AK4: variants seen among roughly 807,000 people sequenced by gnomAD.
AK4 encodes adenylate kinase 4.
AK4 carries 13 observed loss-of-function variants against 24.6 expected under a neutral mutation model. The ratio of observed to expected loss-of-function variants is 0.53; its 90% confidence interval spans 0.34 to 0.84. The LOEUF (loss-of-function observed/expected upper bound fraction) is 0.84, where lower values mean the gene tolerates loss of function less well. Among genes scored for constraint, AK4 ranks in the 40% least tolerant of loss-of-function variants. The pLI is 0.01. For synonymous variants in AK4, 88 were observed against 107.0 expected (o/e 0.82, Z 1.10); for missense variants, 192 against 288.2 (o/e 0.67, Z 2.42).
intron 1 of AK4, among the ~76,000 whole-genome samples, chr1:65,160,308 G>T (rs1277443290): frequency 6.6e-6 from 1 of 152,226 alleles, no homozygotes; most frequent in Admixed American, 6.5e-5. Context: ...GTGCTGGCAG[G>T]TTTGGTGTCT....
In AK4 at chr1:65,202,471, A is replaced by T. The variant is rs573943172; in HGVS notation, c.265+11642A>T. 7.1e-4 allele frequency among the ~76,000 whole-genome samples: 108 copies of T among 152,248 alleles called. 1 individual carries two copies. The highest frequency in any genetic ancestry group is 2.4e-3 in the African/African-American group (100 of 41,546). On this transcript the variant is annotated intron_variant, in intron 2 of 4. Coordinates refer to ENST00000327299, the MANE Select transcript of AK4 (RefSeq NM_013410.4). ...AATTTAGATCTACATTTGACATTAA[A>T]CTGTGGTTTCTCTGTATTTGGGTGT...
At chr1:65,171,303 CTTTTT>C (rs56094715) in intron 1 of AK4, among the ~76,000 whole-genome samples, 5 of 58,276 alleles carry the variant, frequency 8.6e-5, no homozygotes, top group Admixed American at 2.9e-4. Context: ...GAAATAGTTG[CTTTTT>C]TTTTTTTTTT....
At chr1:65,224,151 A>T (rs1652382372) in intron 3 of AK4, among the ~76,000 whole-genome samples, 1 of 152,220 alleles carries the variant, frequency 6.6e-6, no homozygotes. Context: ...AATATAATTT[A>T]GGTGAGGACA....
intron 2 of AK4, among the ~76,000 whole-genome samples, chr1:65,195,953 G>A (rs1053141148): frequency 2.0e-5 from 3 of 152,156 alleles, no homozygotes; most frequent in Non-Finnish European, 4.4e-5. Context: ...AATAACTGAA[G>A]TTCTTTGACA....
intron 2 of AK4, among the ~76,000 whole-genome samples, chr1:65,201,055 G>T (rs1242949662): frequency 6.6e-6 from 1 of 152,148 alleles, no homozygotes; most frequent in Non-Finnish European, 1.5e-5. Flanking sequence ...GCCTCCCAAA[G>T]TGCTGGGATT....
chr1:65,203,736 C>T (rs1184672502), intron 2 of AK4, among the ~76,000 whole-genome samples: 5 of 151,854 alleles, frequency 3.3e-5, no homozygotes, highest in African/African-American at 7.3e-5. Context: ...ACCTGGGAGG[C>T]GGAGGTTGCA....
chr1:65,207,929 T>C (rs1266293475), intron 2 of AK4, among the ~76,000 whole-genome samples: 1 of 152,228 alleles, frequency 6.6e-6, no homozygotes, highest in Non-Finnish European at 1.5e-5. Flanking sequence ...ATACCACATT[T>C]CTTTATCCAG....
intron 1 of AK4, among the ~76,000 whole-genome samples, chr1:65,156,925 CAAA>C (rs71829208): frequency 8.6e-5 from 7 of 81,362 alleles, no homozygotes; most frequent in Non-Finnish European, 5.7e-5. Flanking sequence ...GACTGTGTCT[CAAA>C]AAAAAAAAAA....
At chr1:65,149,686 G>A (rs1649701086) in intron 1 of AK4, among the ~76,000 whole-genome samples, 1 of 152,152 alleles carries the variant, frequency 6.6e-6, no homozygotes. Flanking sequence ...TAAAAGCAAG[G>A]AATTAAGAAG....
intron 2 of AK4, among the ~76,000 whole-genome samples, chr1:65,206,508 A>G (rs563257575): frequency 7.9e-5 from 12 of 152,344 alleles, no homozygotes; most frequent in African/African-American, 2.9e-4. Context: ...CAGCACTTTG[A>G]GAGGCCAAAG....
chr1:65,152,316 A>ATCTCCCTCTCTCTCTCTCTC (rs1649798657), intron 1 of AK4, among the ~76,000 whole-genome samples: 1 of 32,472 alleles, frequency 3.1e-5, no homozygotes, highest in Non-Finnish European at 6.0e-5. Context: ...TGCACTTGCT[A>ATCTCCCTCTCTCTCTCTCTC]TCTCTCTCTC....
chr1:65,161,152 A>G (rs1018013574), intron 1 of AK4, among the ~76,000 whole-genome samples: 3 of 152,088 alleles, frequency 2.0e-5, no homozygotes, highest in Non-Finnish European at 4.4e-5. Context: ...CCCATGATCA[A>G]AAGGACCAAA....
intron 2 of AK4, among the ~76,000 whole-genome samples, chr1:65,199,869 C>A (rs989565224): frequency 2.0e-5 from 3 of 152,114 alleles, no homozygotes; most frequent in Non-Finnish European, 2.9e-5. Context: ...CTTTGAGGAT[C>A]AAGTTGGCAC....
At chr1:65,171,144 G>T (rs112693772) in intron 1 of AK4, among the ~76,000 whole-genome samples, 44 of 117,566 alleles carry the variant, frequency 3.7e-4, no homozygotes, top group African/African-American at 5.1e-4. Context: ...TTTTTTTTGT[G>T]CAGATAGGGT....
chr1:65,153,524 G>A (rs1649870265), intron 1 of AK4, among the ~76,000 whole-genome samples: 1 of 152,058 alleles, frequency 6.6e-6, no homozygotes, highest in South Asian at 2.1e-4. Flanking sequence ...GCCCGCCTCG[G>A]CCTCCCAAAA....
At chr1:65,148,029 T>G, upstream of AK4, 4 of 170,488 alleles carry the variant, frequency 2.3e-5, no homozygotes, top group Admixed American at 6.3e-5. Flanking sequence ...GGACGCGGCG[T>G]GGGGAGCGAG....
intron 1 of AK4, among the ~76,000 whole-genome samples, chr1:65,175,829 C>T (rs72677684): frequency 0.016 from 2,408 of 152,236 alleles, 33 homozygotes; most frequent in Non-Finnish European, 0.027. Flanking sequence ...GATTACTTGC[C>T]GTTTTCCTAT....
In AK4 at chr1:65,219,989, A is replaced by G. The variant is rs182292970; in HGVS notation, c.438+1063A>G. Among the ~76,000 whole-genome samples the G allele has an allele frequency of 2.6e-3, 403 of 152,320 alleles. 1 individual carries two copies. Among genetic ancestry groups the G allele is most frequent in the African/African-American group, 9.0e-3 (375 of 41,572 alleles). On this transcript the variant is annotated intron_variant, in intron 3 of 4. Coordinates refer to ENST00000327299, the MANE Select transcript of AK4 (RefSeq NM_013410.4). Reference sequence around the variant, plus strand: ...TTCTATAGAATGTCATATCGTTGGAATCATATAGTATATCTACTTATCAGA... The same window carrying G: ...TTCTATAGAATGTCATATCGTTGGAGTCATATAGTATATCTACTTATCAGA...
At chr1:65,171,575 G>C (rs1650526527) in intron 1 of AK4, among the ~76,000 whole-genome samples, 1 of 151,992 alleles carries the variant, frequency 6.6e-6, no homozygotes, top group South Asian at 2.1e-4. Flanking sequence ...AAAGTGATGG[G>C]ATTACAGGTG....
Sources: allele counts gnomAD v4.1 joint callset (sites outside exome capture counted in the v4.1 genomes callset), GRCh38; gene constraint gnomAD v4.1.1; transcripts MANE v1.5; gene names NCBI Gene and HGNC (gene_info 2026-07-23, HGNC 2026-07-21).